TUBGCP3: variants seen among roughly 807,000 people sequenced by gnomAD.
The protein encoded by TUBGCP3 is tubulin gamma complex component 3.
TUBGCP3 carries 50 observed loss-of-function variants against 123.1 expected under a neutral mutation model. The ratio of observed to expected loss-of-function variants is 0.41; its 90% CI spans 0.32 to 0.51. The LOEUF is 0.51. Among genes scored for constraint, TUBGCP3 ranks in the 20% least tolerant of loss-of-function variants. TUBGCP3 has a pLI of 0.36. For synonymous variants in TUBGCP3, 405 were observed against 413.9 expected (o/e 0.98, Z 0.26); for missense variants, 882 against 1,127.0 (o/e 0.78, Z 3.11).
intron 10 of TUBGCP3, chr13:112,547,094 C>T (rs554413200): frequency 2.0e-4 from 45 of 224,278 alleles, no homozygotes; most frequent in African/African-American, 9.1e-4. Context: ...CAATACAGAA[C>T]CTAGAGCCAG....
In TUBGCP3 at chr13:112,565,777, T is replaced by C. The variant is rs533327304; in HGVS notation, c.185-599A>G. Among the ~76,000 whole-genome samples the C allele has an allele frequency of 5.9e-5, 9 of 152,002 alleles. No individual in the cohort carries two copies. In the South Asian group the frequency reaches 1.2e-3, roughly 21 times the overall value. On this transcript the variant is annotated intron_variant, in intron 2 of 21. Coordinates refer to ENST00000261965, the MANE Select transcript of TUBGCP3 (RefSeq NM_006322.6). ...GTGAAACCGAGTCTCTACTAAAAAA[T>C]ACAAAAAATTAGCTGGGTGTGTTAG...
chr13:112,597,062 T>C, the TUBGCP3 span, among the ~76,000 whole-genome samples: 1 of 152,198 alleles, frequency 6.6e-6, no homozygotes, highest in Non-Finnish European at 1.5e-5. Context: ...CCAGAAGAAA[T>C]GGCTGGGATA....
Position 112,556,203 on chromosome 13 carries a change from T to A in TUBGCP3, c.570A>T (p.Gly190=), listed in dbSNP as rs1269813618. 1 of 1,613,978 alleles carries A rather than the reference T, an allele frequency of 6.2e-7. No individual in the cohort carries two copies. The highest frequency in any genetic ancestry group is 2.2e-5 in the East Asian group (1 of 44,876). The change falls in exon 6 of 22, where the codon GGA becomes GGT. Residue 190 remains glycine (G), a synonymous_variant. Coordinates refer to ENST00000261965, the MANE Select transcript of TUBGCP3 (RefSeq NM_006322.6). ...LLPGQSNQAP[G]VGDCLRQQLG... is the part of the protein sequence containing the mutation. ...ACTGCTGTCGAAGGCAATCTCCTAC[T>A]CCTGGAGCTTGATTAGACTGTCTAA...
At chr13:112,489,480 A>G in intron 21 of TUBGCP3, 101 bp downstream of exon 21, 1 of 838,958 alleles carries the variant, frequency 1.2e-6, no homozygotes, top group East Asian at 2.4e-5. Context: ...TAAGTGTCAG[A>G]CTGACAGGGC....
At chr13:112,572,425 C>A (rs376912764) in intron 1 of TUBGCP3, among the ~76,000 whole-genome samples, 7 of 152,234 alleles carry the variant, frequency 4.6e-5, no homozygotes, top group African/African-American at 1.7e-4. Context: ...CCTCACCCCC[C>A]ACCCTCCAAC....
intron 14 of TUBGCP3, chr13:112,521,918 G>T: frequency 1.2e-6 from 1 of 869,084 alleles, no homozygotes. Flanking sequence ...AAAGGTCATA[G>T]TTTCATTTTT....
At chr13:112,509,599 T>C (rs1446920777) in intron 17 of TUBGCP3, among the ~76,000 whole-genome samples, 1 of 152,218 alleles carries the variant, frequency 6.6e-6, no homozygotes, top group Non-Finnish European at 1.5e-5. Flanking sequence ...CATCTTTTAT[T>C]GTGTCTACAA....
intron 17 of TUBGCP3, among the ~76,000 whole-genome samples, chr13:112,514,668 T>C (rs1180987313): frequency 6.6e-6 from 1 of 152,226 alleles, no homozygotes; most frequent in Non-Finnish European, 1.5e-5. Context: ...TACTGAGATA[T>C]GAGCTAAATT....
At chr13:112,587,348 G>C (rs965480763) in intron 1 of TUBGCP3, 2 of 152,378 alleles carry the variant, frequency 1.3e-5, no homozygotes, top group African/African-American at 2.4e-5. Flanking sequence ...GGCAGTTACA[G>C]TCGTTAACAC....
At chr13:112,514,293 TG>T (rs1240801539) in intron 17 of TUBGCP3, among the ~76,000 whole-genome samples, 2 of 27,006 alleles carry the variant, frequency 7.4e-5, no homozygotes, top group Non-Finnish European at 7.9e-5. Context: ...ATCCATGGGG[TG>T]GGGGGGAGGG....
At chr13:112,522,256 A>T (rs1452486016) in intron 14 of TUBGCP3, 64 bp downstream of exon 14, 2 of 1,264,144 alleles carry the variant, frequency 1.6e-6, no homozygotes, top group East Asian at 5.1e-5. Flanking sequence ...TATTCTTTTA[A>T]ATACAAGATT....
At chr13:112,498,757 G>C in intron 20 of TUBGCP3, 1 of 1,525,408 alleles carries the variant, frequency 6.6e-7, no homozygotes, top group Non-Finnish European at 8.8e-7. Context: ...TCCGACGGGT[G>C]ACATCGGCAT....
chr13:112,512,492 G>A (rs1881740239), intron 17 of TUBGCP3, among the ~76,000 whole-genome samples: 1 of 151,486 alleles, frequency 6.6e-6, no homozygotes, highest in Non-Finnish European at 1.5e-5. Context: ...CCAGCACTGG[G>A]GGAGGCCAAG....
rs1246072226 is a variant in TUBGCP3, at chr13:112,524,549, G to T, written c.1556-2040C>A. ...GGTTCTTCTTCCTTCCACCTCTTCA[G>T]TGTAGAAGCATTTCCCCAAAATCTA... On this transcript the variant is annotated intron_variant, in intron 13 of 21. Coordinates refer to ENST00000261965, the MANE Select transcript of TUBGCP3 (RefSeq NM_006322.6). The surrounding 1 kb of genome is among the most constrained non-coding windows in gnomAD (Gnocchi z 4.4). 6.6e-6 allele frequency among the ~76,000 whole-genome samples: 1 copy of T among 152,182 alleles called. No homozygotes were observed. Among genetic ancestry groups the T allele is most frequent in the African/African-American group, 2.4e-5 (1 of 41,450 alleles).
At position 112,485,867 on chromosome 13, in the gene TUBGCP3, A is replaced by G. The variant is rs1199414078; in HGVS notation, c.*126T>C. On this transcript the variant is annotated 3_prime_UTR_variant, in exon 22 of 22. Transcript: ENST00000261965. ...CTCCCACACGCCGCTCCGCTGAAACATGGCGCACTCGTGGGCGGAAGGGCA... is the reference window on the plus strand; with the variant it reads ...CTCCCACACGCCGCTCCGCTGAAACGTGGCGCACTCGTGGGCGGAAGGGCA... 1.2e-6 allele frequency: 1 copy of G among 867,980 alleles called. No homozygotes were observed. The highest frequency in any genetic ancestry group is 1.8e-6 in the Non-Finnish European group (1 of 568,518). 53.8% of individuals were successfully genotyped at this position (867,980 alleles called of 1,614,324 possible).
At chr13:112,577,078 A>G (rs1337625037) in intron 1 of TUBGCP3, among the ~76,000 whole-genome samples, 2 of 152,182 alleles carry the variant, frequency 1.3e-5, no homozygotes, top group Non-Finnish European at 2.9e-5. Flanking sequence ...AGGAAGGGAT[A>G]CTGCCACTGA....
chr13:112,585,485 CGCAGTGGCTCGTGCCTGTAATCCCA>C (rs1263645468), intron 1 of TUBGCP3, among the ~76,000 whole-genome samples: 1 of 152,124 alleles, frequency 6.6e-6, no homozygotes, highest in Non-Finnish European at 1.5e-5. Flanking sequence ...GAGGGCCGGG[CGCAGTGGCTCGTGCCTGTAATCCCA>C]GCACTTTGGG....
chr13:112,574,658 C>CA (rs1881671998), intron 1 of TUBGCP3, among the ~76,000 whole-genome samples: 1 of 152,204 alleles, frequency 6.6e-6, no homozygotes, highest in South Asian at 2.1e-4. Flanking sequence ...AGAGTAAGCA[C>CA]ACTCCACTAC....
At chr13:112,507,162 T>C (rs960060354) in intron 17 of TUBGCP3, among the ~76,000 whole-genome samples, 2 of 152,358 alleles carry the variant, frequency 1.3e-5, no homozygotes, top group Non-Finnish European at 1.5e-5. Flanking sequence ...CACAGAACTC[T>C]GGTGGATCTT....
Sources: gnomAD v4.1 joint callset for allele counts (sites outside exome capture counted in the v4.1 genomes callset) on GRCh38, gnomAD v4.1.1 for gene constraint, Gnocchi (gnomAD v3.1) non-coding constraint, MANE v1.5 for transcripts, NCBI Gene and HGNC (gene_info 2026-07-23, HGNC 2026-07-21) for gene names.